The following SLC25A14 variants were observed in gnomAD, a reference collection of about 807,000 sequenced individuals.
SLC25A14 encodes the protein brain mitochondrial carrier protein 1.
In SLC25A14, 8 loss-of-function variants were observed where a neutral mutation model predicts 28.1. That is an observed-to-expected ratio of 0.28 (90% CI 0.17 to 0.51). The LOEUF (loss-of-function observed/expected upper bound fraction) is 0.51, where lower values mean the gene tolerates loss of function less well. Ranked by LOEUF, SLC25A14 falls within the 20% of genes least tolerant of loss-of-function variation. The pLI, the probability that SLC25A14 is intolerant of heterozygous loss-of-function variation, is 0.97. For synonymous variants in SLC25A14, 74 were observed against 90.6 expected, an observed-to-expected ratio of 0.82 and a Z score of 1.04; for missense variants, 135 against 263.8, an observed-to-expected ratio of 0.51 and a Z score of 3.38.
chrX:130,366,079 C>T (rs765060582), intron 9 of SLC25A14, among the ~76,000 whole-genome samples: 20 of 112,240 alleles, frequency 1.8e-4, no homozygotes, highest in Non-Finnish European at 2.8e-4. Context: ...TTTGAAAGTT[C>T]CTGCTGTTGT....
At chrX:130,340,023 C>T in intron 1 of SLC25A14, 47 bp downstream of exon 1, 1 of 979,208 alleles carries the variant, frequency 1.0e-6, no homozygotes, top group Non-Finnish European at 1.3e-6. Flanking sequence ...GGGGCTGGGC[C>T]GCGCCAGGCC....
intron 6 of SLC25A14, among the ~76,000 whole-genome samples, chrX:130,354,553 G>A (rs2033731985): frequency 1.8e-5 from 2 of 112,131 alleles, no homozygotes; most frequent in Non-Finnish European, 3.8e-5. Flanking sequence ...GAGGACTGCA[G>A]TTAATGCTGG....
intron 6 of SLC25A14, among the ~76,000 whole-genome samples, chrX:130,352,192 A>C (rs912621328): frequency 8.9e-6 from 1 of 111,869 alleles, no homozygotes; most frequent in Non-Finnish European, 1.9e-5. Context: ...TCCTGCATTA[A>C]TTCATTTAGG....
At chrX:130,352,337 A>G (rs950211786) in intron 6 of SLC25A14, among the ~76,000 whole-genome samples, 7 of 112,239 alleles carry the variant, frequency 6.2e-5, no homozygotes, top group African/African-American at 2.3e-4. Context: ...ACCTAGGTTG[A>G]TTCCATGTCT....
intron 6 of SLC25A14, among the ~76,000 whole-genome samples, chrX:130,351,917 T>G (rs1243200902): frequency 9.0e-6 from 1 of 111,537 alleles, no homozygotes; most frequent in African/African-American, 3.3e-5. Flanking sequence ...CAGAACAAGT[T>G]TTTTTTTCAC....
At chrX:130,358,572 A>T in intron 6 of SLC25A14, 68 bp from the exon 7 acceptor site, 1 of 683,658 alleles carries the variant, frequency 1.5e-6, no homozygotes, top group Non-Finnish European at 2.3e-6. Context: ...AATTTAAATG[A>T]ACTTAAAATG....
chrX:130,360,752 C>T (rs1230280592), intron 7 of SLC25A14, among the ~76,000 whole-genome samples: 1 of 111,863 alleles, frequency 8.9e-6, no homozygotes, highest in Non-Finnish European at 1.9e-5. Flanking sequence ...GATTTTTTCA[C>T]AGGAGCATAG....
intron 4 of SLC25A14, among the ~76,000 whole-genome samples, chrX:130,348,304 T>C (rs1437393742): frequency 1.8e-5 from 2 of 110,571 alleles, no homozygotes. Context: ...TACCATCATA[T>C]TGCGGGTTAG....
intron 4 of SLC25A14, among the ~76,000 whole-genome samples, chrX:130,346,960 C>T (rs919352057): frequency 8.9e-6 from 1 of 111,755 alleles, no homozygotes; most frequent in Non-Finnish European, 1.9e-5. Context: ...CTAATAGCCA[C>T]TGTTAATAAC....
At chrX:130,368,934 T>C (rs759073168) in intron 9 of SLC25A14, among the ~76,000 whole-genome samples, 13 of 112,762 alleles carry the variant, frequency 1.2e-4, no homozygotes, top group Non-Finnish European at 2.4e-4. Context: ...ACTCATTTAC[T>C]CACTTGCTAC....
At chrX:130,362,285 A>T (rs979300995) in intron 7 of SLC25A14, among the ~76,000 whole-genome samples, 5 of 108,852 alleles carry the variant, frequency 4.6e-5, no homozygotes, top group Non-Finnish European at 7.6e-5. Flanking sequence ...TATTATTATT[A>T]TTTTTTTAAG....
At position 130,340,120 on chromosome X, in the gene SLC25A14, C is replaced by G; in HGVS notation, c.-159C>G. ...CTCTCCCCTCAGCTGAGTCCCTTCCCTGTCTTTCACTCTTCTGGCATCGGT... is the reference window on the plus strand; with the variant it reads ...CTCTCCCCTCAGCTGAGTCCCTTCCGTGTCTTTCACTCTTCTGGCATCGGT... On this transcript the variant is annotated 5_prime_UTR_variant, in exon 2 of 11. Transcript: ENST00000545805. 2 of 1,099,753 alleles carry G rather than the reference C, an allele frequency of 1.8e-6. No individual in the cohort carries two copies. The highest frequency in any genetic ancestry group is 1.2e-6 in the Non-Finnish European group (1 of 845,611). The allele number at this position is 1,099,753 out of a possible 1,213,427, so 90.6% of individuals were successfully genotyped here. A position where few individuals can be genotyped will look rare whatever the true frequency, so the allele number is the denominator to read the frequency against.
intron 2 of SLC25A14, among the ~76,000 whole-genome samples, chrX:130,343,174 T>G (rs1429981404): frequency 1.8e-5 from 2 of 112,200 alleles, no homozygotes; most frequent in Non-Finnish European, 3.8e-5. Context: ...TAAGTAAAAG[T>G]AGCTGTCTGA....
chrX:130,368,143 A>T (rs1323485687), intron 9 of SLC25A14, among the ~76,000 whole-genome samples: 1 of 112,528 alleles, frequency 8.9e-6, no homozygotes, highest in African/African-American at 3.2e-5. Flanking sequence ...AGACGAGGAA[A>T]CTTAGAGAGT....
chrX:130,361,220 G>A (rs1270318093), intron 7 of SLC25A14, among the ~76,000 whole-genome samples: 2 of 112,358 alleles, frequency 1.8e-5, no homozygotes, highest in Admixed American at 1.9e-4. Context: ...TTTGCCTATT[G>A]TGAATAATGC....
chrX:130,342,118 A>T (rs73229031), intron 2 of SLC25A14, among the ~76,000 whole-genome samples: 15,807 of 111,755 alleles, frequency 0.14, 990 homozygotes, highest in African/African-American at 0.24. Flanking sequence ...TCCCTTGGGG[A>T]TCTTACTTAG....
At chrX:130,369,003 G>A (rs2034196889) in intron 9 of SLC25A14, among the ~76,000 whole-genome samples, 1 of 112,685 alleles carries the variant, frequency 8.9e-6, no homozygotes, top group South Asian at 3.6e-4. Context: ...TGCCATTTAT[G>A]TAATAGCATC....
chrX:130,363,859 A>G (rs775826110), intron 7 of SLC25A14, among the ~76,000 whole-genome samples: 1 of 110,991 alleles, frequency 9.0e-6, no homozygotes, highest in Non-Finnish European at 1.9e-5. Flanking sequence ...TCAGCATCTC[A>G]AGTAGCTGGG....
intron 9 of SLC25A14, among the ~76,000 whole-genome samples, chrX:130,368,892 T>C (rs2124773213): frequency 8.9e-6 from 1 of 112,672 alleles, no homozygotes; most frequent in African/African-American, 3.2e-5. Flanking sequence ...GTTTTTATGT[T>C]GGTAGTAACC....
Sources: gnomAD v4.1 joint callset for allele counts (sites outside exome capture counted in the v4.1 genomes callset) on GRCh38, gnomAD v4.1.1 for gene constraint, MANE v1.5 for transcripts, NCBI Gene and HGNC (gene_info 2026-07-23, HGNC 2026-07-21) for gene names.